NAALADL2: variants seen among roughly 807,000 people sequenced by gnomAD.
NAALADL2 encodes inactive N-acetylated-alpha-linked acidic dipeptidase-like protein 2.
Under a neutral mutation model 87.2 loss-of-function variants are expected in NAALADL2, and 76 were observed. The observed-to-expected ratio is 0.87, with a 90% CI of 0.72 to 1.05. The LOEUF (loss-of-function observed/expected upper bound fraction) is 1.05, where lower values mean the gene tolerates loss of function less well. NAALADL2 is among the 50% of genes least tolerant of loss of function. The pLI, the probability that NAALADL2 is intolerant of heterozygous loss-of-function variation, is 0.00. For missense variants in NAALADL2, 1,089 were observed against 945.8 expected (o/e 1.15, Z -1.99); for synonymous variants, 354 against 331.0 (o/e 1.07, Z -0.75).
At chr3:175,096,748 G>T (rs936181135) in intron 1 of NAALADL2, 42 bp from the exon 2 acceptor site, 1 of 1,282,152 alleles carries the variant, frequency 7.8e-7, no homozygotes, top group Non-Finnish European at 1.0e-6. Context: ...TTTTTTAATT[G>T]TGTGTTTATT....
At chr3:174,664,825 T>C (rs1336510556) in intron 2 of NAALADL2, among the ~76,000 whole-genome samples, 2 of 152,214 alleles carry the variant, frequency 1.3e-5, no homozygotes, top group Non-Finnish European at 2.9e-5. Context: ...TCTGGCATTA[T>C]ACATGCCAAA....
intron 1 of NAALADL2, among the ~76,000 whole-genome samples, chr3:174,892,921 CAAAAA>C (rs35081771): frequency 1.8e-5 from 2 of 108,540 alleles, no homozygotes; most frequent in Non-Finnish European, 3.9e-5. Flanking sequence ...GACTCCAACT[CAAAAA>C]AAAAAAAAAA....
At chr3:175,316,389 T>C (rs559321919) in intron 4 of NAALADL2, among the ~76,000 whole-genome samples, 1 of 152,276 alleles carries the variant, frequency 6.6e-6, no homozygotes, top group East Asian at 1.9e-4. Context: ...AGGCTCATAG[T>C]TTCTGTACCC....
intron 2 of NAALADL2, among the ~76,000 whole-genome samples, chr3:174,568,164 A>G (rs926306332): frequency 9.9e-5 from 15 of 151,768 alleles, no homozygotes; most frequent in Non-Finnish European, 1.8e-4. Context: ...CAGACATACT[A>G]ATCTATTTTT....
At chr3:175,415,143 A>C (rs75801038) in intron 5 of NAALADL2, among the ~76,000 whole-genome samples, 8,673 of 152,290 alleles carry the variant, frequency 0.057, 267 homozygotes, top group South Asian at 0.081. Context: ...AATAAAAAGA[A>C]ATAGCATACC....
chr3:174,703,353 A>T (rs1359756849), intron 2 of NAALADL2, among the ~76,000 whole-genome samples: 5 of 147,320 alleles, frequency 3.4e-5, no homozygotes, highest in Non-Finnish European at 7.5e-5. Flanking sequence ...ATCTAGAGTG[A>T]TAATTGTTTT....
intron 2 of NAALADL2, among the ~76,000 whole-genome samples, chr3:175,165,577 A>G (rs1227903029): frequency 6.6e-6 from 1 of 152,198 alleles, no homozygotes; most frequent in East Asian, 1.9e-4. Flanking sequence ...AGACCATAAC[A>G]GAAATTCATG....
chr3:174,707,436 C>G (rs1730191791), intron 2 of NAALADL2, among the ~76,000 whole-genome samples: 1 of 152,054 alleles, frequency 6.6e-6, no homozygotes, highest in South Asian at 2.1e-4. Flanking sequence ...GAAAATGTGG[C>G]ACATATACAC....
At chr3:175,093,593 A>G (rs941180516) in intron 1 of NAALADL2, among the ~76,000 whole-genome samples, 5 of 149,330 alleles carry the variant, frequency 3.3e-5, no homozygotes, top group African/African-American at 9.8e-5. Context: ...TGTATTTGAT[A>G]TATAAAATAT....
intron 2 of NAALADL2, among the ~76,000 whole-genome samples, chr3:175,214,757 C>A (rs983349901): frequency 6.6e-6 from 1 of 152,026 alleles, no homozygotes; most frequent in Non-Finnish European, 1.5e-5. Context: ...AATATTTTAA[C>A]AAAATGTAGT....
At chr3:174,842,112 C>T (rs927018372) in intron 3 of NAALADL2, among the ~76,000 whole-genome samples, 2 of 149,886 alleles carry the variant, frequency 1.3e-5, no homozygotes, top group Non-Finnish European at 2.9e-5. Flanking sequence ...AGTGCATTGG[C>T]GTGATCTCTG....
chr3:175,722,750 A>G (rs189166739), intron 11 of NAALADL2, among the ~76,000 whole-genome samples: 328 of 152,262 alleles, frequency 2.2e-3, no homozygotes, highest in African/African-American at 7.6e-3. Context: ...AAATTAAATC[A>G]TCTATTCACA....
intron 2 of NAALADL2, among the ~76,000 whole-genome samples, chr3:175,161,729 A>C (rs2108846573): frequency 6.6e-6 from 1 of 151,112 alleles, no homozygotes; most frequent in Middle Eastern, 3.4e-3. Context: ...TATAGCAAGT[A>C]AAGTGCACTG....
chr3:175,351,154 T>C (rs1308796966), intron 5 of NAALADL2, among the ~76,000 whole-genome samples: 2 of 152,108 alleles, frequency 1.3e-5, no homozygotes, highest in Non-Finnish European at 2.9e-5. Context: ...TCAAGGTCAC[T>C]TAGGTGAAAT....
chr3:174,852,100 A>C (rs982129951), intron 3 of NAALADL2, among the ~76,000 whole-genome samples: 1 of 152,042 alleles, frequency 6.6e-6, no homozygotes, highest in African/African-American at 2.4e-5. Flanking sequence ...ACAAAACAGA[A>C]CCACAGCTAG....
At chr3:175,736,256 T>G (rs1744489338) in intron 11 of NAALADL2, among the ~76,000 whole-genome samples, 1 of 152,210 alleles carries the variant, frequency 6.6e-6, no homozygotes, top group African/African-American at 2.4e-5. Context: ...GTACGAAGAT[T>G]GCAGATATGA....
At chr3:174,611,112 C>G (rs374719139) in intron 2 of NAALADL2, among the ~76,000 whole-genome samples, 1 of 140,234 alleles carries the variant, frequency 7.1e-6, no homozygotes, top group East Asian at 2.1e-4. Context: ...GGGAAATGAA[C>G]AGTGAGAACA....
At chr3:175,105,823 T>C (rs2081904054) in intron 2 of NAALADL2, among the ~76,000 whole-genome samples, 1 of 152,004 alleles carries the variant, frequency 6.6e-6, no homozygotes, top group South Asian at 2.1e-4. Flanking sequence ...GGCTAGTCAC[T>C]CTATAGTTTT....
In NAALADL2 at chr3:175,447,229, A is replaced by G. The variant is rs374540274; in HGVS notation, c.1091A>G (p.Asp364Gly). Residue 364 changes from aspartate to glycine, a missense_variant and splice_region_variant, in exon 6 of 14, where the codon GAT (aspartate) becomes GGT (glycine). Physicochemically the swap from Asp to Gly is moderately conservative, Grantham distance 94. Coordinates refer to ENST00000454872, the MANE Select transcript of NAALADL2 (RefSeq NM_207015.3). ...DPSTPGYPSV[D>G]ESFRQSRSNL... ...ATCTTCCTTTGTCTTTTGAATACAG[A>G]TGAAAGTTTTAGACAAAGCCGATCA... is the stretch of plus-strand genomic sequence containing the variant. The G allele has an allele frequency of 1.3e-6, 2 of 1,574,978 alleles. No individual in the cohort carries two copies. The highest frequency in any genetic ancestry group is 1.7e-6 in the Non-Finnish European group (2 of 1,165,072).
Sources: gnomAD v4.1 joint callset for allele counts (sites outside exome capture counted in the v4.1 genomes callset) on GRCh38, gnomAD v4.1.1 for gene constraint, MANE v1.5 for transcripts, NCBI Gene and HGNC (gene_info 2026-07-23, HGNC 2026-07-21) for gene names.